The following SH3RF3 variants were observed in gnomAD, a reference collection of about 807,000 sequenced individuals.
SH3RF3 encodes E3 ubiquitin-protein ligase SH3RF3.
A neutral mutation model predicts 66.3 loss-of-function variants in SH3RF3; 29 were observed. That is an observed-to-expected ratio of 0.44 (90% confidence interval 0.33 to 0.60). SH3RF3 has a LOEUF of 0.60. Ranked by LOEUF, SH3RF3 falls within the 20% of genes least tolerant of loss-of-function variation. The probability of loss-of-function intolerance (pLI) is 0.04; values close to 1 mark genes in which losing one functional copy is unlikely to be tolerated. For missense variants in SH3RF3, 1,194 were observed against 1,190.9 expected (o/e 1.00, Z -0.04); for synonymous variants, 583 against 532.0 (o/e 1.10, Z -1.32).
chr2:109,399,500 G>A (rs1170579166), intron 4 of SH3RF3, among the ~76,000 whole-genome samples: 1 of 151,946 alleles, frequency 6.6e-6, no homozygotes, highest in Non-Finnish European at 1.5e-5. Context: ...TAAAGGCTGG[G>A]CACAGTGGCT....
chr2:109,135,099 TGTCACA>T (rs1676786605), intron 1 of SH3RF3, among the ~76,000 whole-genome samples: 1 of 152,218 alleles, frequency 6.6e-6, no homozygotes, highest in African/African-American at 2.4e-5. Flanking sequence ...TGGCTTCAGG[TGTCACA>T]GTCCCATGAC....
At chr2:109,419,663 G>A in intron 5 of SH3RF3, 21 bp downstream of exon 5, 1 of 1,554,112 alleles carries the variant, frequency 6.4e-7, no homozygotes, top group South Asian at 1.2e-5. Context: ...CTTTGTGTCT[G>A]TCGGGGTCCT....
chr2:109,470,971 G>C (rs992594779), intron 8 of SH3RF3, among the ~76,000 whole-genome samples: 1 of 152,154 alleles, frequency 6.6e-6, no homozygotes, highest in Non-Finnish European at 1.5e-5. Flanking sequence ...TGTAATCCCA[G>C]CACTTTGAGA....
At chr2:109,339,527 G>C (rs894777605) in intron 1 of SH3RF3, among the ~76,000 whole-genome samples, 1 of 152,164 alleles carries the variant, frequency 6.6e-6, no homozygotes, top group African/African-American at 2.4e-5. Context: ...CCAAAAGGCC[G>C]GTGGAAAGGT....
intron 1 of SH3RF3, among the ~76,000 whole-genome samples, chr2:109,224,206 G>A (rs1462784879): frequency 6.6e-6 from 1 of 152,162 alleles, no homozygotes; most frequent in Non-Finnish European, 1.5e-5. Flanking sequence ...TGGGCATTGG[G>A]AGTTTAAACT....
intron 6 of SH3RF3, 32 bp downstream of exon 6, chr2:109,432,703 G>A (rs1267997650): frequency 6.3e-7 from 1 of 1,597,080 alleles, no homozygotes; most frequent in African/African-American, 1.3e-5. Context: ...CCTGGGCAAG[G>A]AGAGGGCAAG....
intron 1 of SH3RF3, among the ~76,000 whole-genome samples, chr2:109,190,711 T>G (rs1182622139): frequency 6.6e-6 from 1 of 152,146 alleles, no homozygotes; most frequent in East Asian, 1.9e-4. Context: ...CAAAAAAATT[T>G]GCTAGGTGTT....
Position 109,437,070 on chromosome 2 carries a change from C to A in SH3RF3, c.1752C>A (p.Ala584=). 1 of 1,613,716 alleles carries A rather than the reference C, an allele frequency of 6.2e-7. No individual in the cohort carries two copies. Among genetic ancestry groups the A allele is most frequent in the Non-Finnish European group, 8.5e-7 (1 of 1,179,860 alleles). Residue 584 remains alanine (A), a synonymous_variant, in exon 7 of 10, where the codon GCC becomes GCA. Coordinates refer to ENST00000309415, the MANE Select transcript of SH3RF3 (RefSeq NM_001099289.3). ...TPQAHAQHPT[A]SPPTGSCLRH... Reference sequence around the variant, plus strand: ...AGGCCCACGCCCAGCACCCCACAGCCTCGCCCCCAACAGGCAGCTGTCTAC... The same window carrying A: ...AGGCCCACGCCCAGCACCCCACAGCATCGCCCCCAACAGGCAGCTGTCTAC...
At chr2:109,478,337 T>C (rs2104753799) in intron 8 of SH3RF3, among the ~76,000 whole-genome samples, 1 of 152,346 alleles carries the variant, frequency 6.6e-6, no homozygotes, top group African/African-American at 2.4e-5. Context: ...AAATGTGTCC[T>C]TTGAGTAAAA....
At chr2:109,473,877 C>T (rs994701792) in intron 8 of SH3RF3, among the ~76,000 whole-genome samples, 6 of 152,202 alleles carry the variant, frequency 3.9e-5, no homozygotes, top group African/African-American at 1.4e-4. Context: ...GCCCCTGAAC[C>T]GCTCTCCTTG....
At chr2:109,149,452 G>A (rs1677182073) in intron 1 of SH3RF3, among the ~76,000 whole-genome samples, 1 of 152,184 alleles carries the variant, frequency 6.6e-6, no homozygotes. Context: ...AATCTCAGAG[G>A]TTGCCACAGC....
chr2:109,459,180 T>G (rs1398569023), intron 8 of SH3RF3, among the ~76,000 whole-genome samples: 1 of 152,096 alleles, frequency 6.6e-6, no homozygotes, highest in African/African-American at 2.4e-5. Flanking sequence ...TCAGTGCAAC[T>G]TATATTACAT....
chr2:109,291,753 C>A (rs992414815), intron 1 of SH3RF3, among the ~76,000 whole-genome samples: 1 of 152,220 alleles, frequency 6.6e-6, no homozygotes, highest in African/African-American at 2.4e-5. Context: ...AAGTGGGGAA[C>A]CTGAACTTGG....
At chr2:109,398,414 C>T (rs927780447) in intron 3 of SH3RF3, among the ~76,000 whole-genome samples, 176 bp from the exon 4 acceptor site, 1 of 152,164 alleles carries the variant, frequency 6.6e-6, no homozygotes, top group African/African-American at 2.4e-5. Flanking sequence ...GCTCCAAAAA[C>T]CTTTTCAATA....
intron 1 of SH3RF3, among the ~76,000 whole-genome samples, chr2:109,243,438 G>A (rs193032710): frequency 6.6e-6 from 1 of 152,340 alleles, no homozygotes; most frequent in Admixed American, 6.5e-5. Flanking sequence ...TGGCAAATGA[G>A]GAAGGGATTT....
At chr2:109,313,078 A>G (rs1681772559) in intron 1 of SH3RF3, among the ~76,000 whole-genome samples, 1 of 152,122 alleles carries the variant, frequency 6.6e-6, no homozygotes, top group Non-Finnish European at 1.5e-5. Flanking sequence ...CAATCCACAT[A>G]CTTCAGAGGC....
intron 1 of SH3RF3, among the ~76,000 whole-genome samples, chr2:109,140,727 T>C (rs940693486): frequency 3.3e-5 from 5 of 152,184 alleles, no homozygotes; most frequent in African/African-American, 1.2e-4. Context: ...TTTTCCCTTC[T>C]GCAAAAGGCC....
intron 1 of SH3RF3, among the ~76,000 whole-genome samples, chr2:109,227,624 G>A (rs1385952515): frequency 1.3e-5 from 2 of 152,176 alleles, no homozygotes; most frequent in Admixed American, 1.3e-4. Context: ...CCTGGATCTG[G>A]CCTGGCCATG....
At chr2:109,469,233 A>T (rs183773941) in intron 8 of SH3RF3, among the ~76,000 whole-genome samples, 1 of 152,214 alleles carries the variant, frequency 6.6e-6, no homozygotes, top group Non-Finnish European at 1.5e-5. Flanking sequence ...ATATTCCTGG[A>T]TGAGTGAGAA....
Sources: gnomAD v4.1 joint callset for allele counts (sites outside exome capture counted in the v4.1 genomes callset) on GRCh38, gnomAD v4.1.1 for gene constraint, MANE v1.5 for transcripts, NCBI Gene and HGNC (gene_info 2026-07-23, HGNC 2026-07-21) for gene names.